The following CCDC85A variants were observed in gnomAD, a reference collection of about 807,000 sequenced individuals.
The protein encoded by CCDC85A is coiled-coil domain-containing protein 85A.
Under a neutral mutation model 50.2 loss-of-function variants are expected in CCDC85A, and 38 were observed. That is an observed-to-expected ratio of 0.76 (90% CI 0.58 to 0.99). The LOEUF (loss-of-function observed/expected upper bound fraction) is 0.99. CCDC85A is among the 50% of genes least tolerant of loss of function. CCDC85A has a pLI of 0.00. For synonymous variants in CCDC85A, 366 were observed against 301.4 expected (o/e 1.21, Z -2.22); for missense variants, 820 against 742.0 (o/e 1.11, Z -1.22).
chr2:56,357,415 A>G (rs1448609743), intron 3 of CCDC85A, among the ~76,000 whole-genome samples: 1 of 152,254 alleles, frequency 6.6e-6, no homozygotes. Flanking sequence ...AGTTGATGCC[A>G]TAATTTATTG....
chr2:56,226,085 G>A (rs1171283814), intron 2 of CCDC85A, among the ~76,000 whole-genome samples: 1 of 152,142 alleles, frequency 6.6e-6, no homozygotes, highest in Non-Finnish European at 1.5e-5. Context: ...ATTGCAAGCT[G>A]CAATGGGATT....
chr2:56,307,309 G>C (rs540226270), intron 2 of CCDC85A, among the ~76,000 whole-genome samples: 1 of 152,182 alleles, frequency 6.6e-6, no homozygotes, highest in Admixed American at 6.5e-5. Flanking sequence ...TAATTCTAGA[G>C]TGCAGAAATT....
Position 56,250,316 on chromosome 2 carries a change from C to G in CCDC85A, c.1240+56876C>G, listed in dbSNP as rs1310422891. 4.6e-5 allele frequency among the ~76,000 whole-genome samples: 7 copies of G among 152,162 alleles called. No homozygotes were observed. In the East Asian group the frequency reaches 1.3e-3, roughly 29 times the overall value. On this transcript the variant is annotated intron_variant, in intron 2 of 5. Coordinates refer to ENST00000407595, the MANE Select transcript of CCDC85A (RefSeq NM_001080433.2). ...CCCTATGCTGTAATTGGCACAGAGA[C>G]TGTAGTGGAGTTTTACCCTTTGTAC...
chr2:56,227,482 C>T (rs1453490643), intron 2 of CCDC85A, among the ~76,000 whole-genome samples: 2 of 152,148 alleles, frequency 1.3e-5, no homozygotes, highest in Non-Finnish European at 2.9e-5. Flanking sequence ...TTATGTTTGT[C>T]TTTTAACAAG....
chr2:56,287,426 C>T (rs1261714920), intron 2 of CCDC85A, among the ~76,000 whole-genome samples: 1 of 152,204 alleles, frequency 6.6e-6, no homozygotes, highest in Non-Finnish European at 1.5e-5. Context: ...ATGATTTCAT[C>T]TTGACAGTTT....
At chr2:56,346,526 A>C (rs1444902602) in intron 3 of CCDC85A, among the ~76,000 whole-genome samples, 4 of 152,238 alleles carry the variant, frequency 2.6e-5, no homozygotes, top group Non-Finnish European at 1.5e-5. Flanking sequence ...ATCCCCAGTG[A>C]ATGTAGAGCT....
intron 2 of CCDC85A, among the ~76,000 whole-genome samples, chr2:56,326,345 C>T (rs931781779): frequency 2.6e-5 from 4 of 152,124 alleles, no homozygotes; most frequent in Non-Finnish European, 5.9e-5. Context: ...GTGCTTGATA[C>T]ATAATAAATC....
chr2:56,349,371 G>T (rs1330543762), intron 3 of CCDC85A, among the ~76,000 whole-genome samples: 2 of 152,136 alleles, frequency 1.3e-5, no homozygotes, highest in African/African-American at 2.4e-5. Context: ...CGAGTGGTGT[G>T]GGTGTGTTGG....
chr2:56,376,967 T>A (rs1278439989), intron 5 of CCDC85A, among the ~76,000 whole-genome samples: 1 of 152,234 alleles, frequency 6.6e-6, no homozygotes, highest in Non-Finnish European at 1.5e-5. Context: ...ACAAAACAAA[T>A]ACATAGATGA....
chr2:56,185,003 C>A, intron 1 of CCDC85A, 103 bp downstream of exon 1: 1 of 1,343,776 alleles, frequency 7.4e-7, no homozygotes, highest in Non-Finnish European at 9.7e-7. Context: ...CAACAGGTGA[C>A]CCTCCCCTTC....
intron 2 of CCDC85A, among the ~76,000 whole-genome samples, chr2:56,276,894 G>A (rs746661624): frequency 9.2e-5 from 14 of 152,250 alleles, no homozygotes; most frequent in East Asian, 1.9e-4. Flanking sequence ...GCCAGGCATC[G>A]TCTGTTCCAG....
intron 5 of CCDC85A, 55 bp from the exon 6 acceptor site, chr2:56,384,211 A>G (rs1676721601): frequency 2.0e-6 from 3 of 1,508,846 alleles, no homozygotes; most frequent in East Asian, 2.3e-5. Context: ...AGAAATGCAA[A>G]TCTCCTTGTG....
At chr2:56,239,049 A>G (rs1669144202) in intron 2 of CCDC85A, among the ~76,000 whole-genome samples, 1 of 152,132 alleles carries the variant, frequency 6.6e-6, no homozygotes, top group African/African-American at 2.4e-5. Flanking sequence ...ATAAATGCAA[A>G]GAAGCTTGAA....
At chr2:56,378,635 C>A (rs940676154) in intron 5 of CCDC85A, among the ~76,000 whole-genome samples, 8 of 152,106 alleles carry the variant, frequency 5.3e-5, no homozygotes, top group African/African-American at 1.9e-4. Flanking sequence ...AATGGCTAGA[C>A]GTTTCAAATT....
At chr2:56,256,235 A>G in intron 2 of CCDC85A, among the ~76,000 whole-genome samples, 1 of 152,234 alleles carries the variant, frequency 6.6e-6, no homozygotes. Context: ...GGAATTGTGC[A>G]TTGGCTATTA....
intron 2 of CCDC85A, among the ~76,000 whole-genome samples, chr2:56,249,392 A>G (rs1669650782): frequency 6.6e-6 from 1 of 152,244 alleles, no homozygotes; most frequent in Non-Finnish European, 1.5e-5. Context: ...GCTAGAAGGC[A>G]GGGAAGCTGG....
chr2:56,231,417 C>T (rs1028826300), intron 2 of CCDC85A, among the ~76,000 whole-genome samples: 4 of 152,086 alleles, frequency 2.6e-5, no homozygotes, highest in African/African-American at 7.2e-5. Flanking sequence ...CTCAACTCAC[C>T]GTAATTAAGT....
At chr2:56,265,555 C>T (rs1670403271) in intron 2 of CCDC85A, among the ~76,000 whole-genome samples, 2 of 152,300 alleles carry the variant, frequency 1.3e-5, no homozygotes, top group Admixed American at 1.3e-4. Context: ...TGCTATTTAT[C>T]TCTTATCATC....
chr2:56,192,828 G>T lies in CCDC85A; in HGVS notation c.628G>T (p.Gly210Cys), dbSNP rs762140026. Residue 210 changes from glycine to cysteine, a missense_variant, in exon 2 of 6, where the codon GGC (glycine) becomes TGC (cysteine). Coordinates refer to ENST00000407595, the MANE Select transcript of CCDC85A (RefSeq NM_001080433.2). This position sits in a 1 kb window ranked among gnomAD's most constrained non-coding sequence, Gnocchi z 4.7. Reference protein sequence around the residue: ...TAPYVRDVGDGSSTSSTGSTD... With the variant: ...TAPYVRDVGDCSSTSSTGSTD... ...ACCCTACGTGCGGGATGTGGGTGACGGCAGCAGCACCTCCAGCACTGGCAG... is the reference window on the plus strand; with the variant it reads ...ACCCTACGTGCGGGATGTGGGTGACTGCAGCAGCACCTCCAGCACTGGCAG... The T allele has an allele frequency of 6.2e-7, 1 of 1,613,314 alleles. No homozygotes were observed. Among genetic ancestry groups the T allele is most frequent in the East Asian group, 2.2e-5 (1 of 44,858 alleles).
Sources: gnomAD v4.1 joint callset for allele counts (sites outside exome capture counted in the v4.1 genomes callset) on GRCh38, gnomAD v4.1.1 for gene constraint, Gnocchi (gnomAD v3.1) non-coding constraint, MANE v1.5 for transcripts, NCBI Gene and HGNC (gene_info 2026-07-23, HGNC 2026-07-21) for gene names.